FLACC1: variants seen among roughly 807,000 people sequenced by gnomAD.
The protein encoded by FLACC1 is flagellum-associated coiled-coil domain-containing protein 1.
Under a neutral mutation model 62.8 loss-of-function variants are expected in FLACC1, and 66 were observed. The observed-to-expected ratio is 1.05, with a 90% CI of 0.86 to 1.29. The LOEUF (loss-of-function observed/expected upper bound fraction) is 1.29. Among genes scored for constraint, FLACC1 ranks in the 50% most tolerant of loss-of-function variants. FLACC1 has a pLI of 0.00. For synonymous variants in FLACC1, 156 were observed against 161.0 expected, an observed-to-expected ratio of 0.97 and a Z score of 0.24; for missense variants, 452 against 489.1, an observed-to-expected ratio of 0.92 and a Z score of 0.71.
At chr2:201,290,000 G>T in intron 12 of FLACC1, 2 of 720,040 alleles carry the variant, frequency 2.8e-6, no homozygotes, top group Non-Finnish European at 4.4e-6. Flanking sequence ...GGTTCTAATG[G>T]CAATCAGTTA....
chr2:201,336,388 T>C (rs1950697037), intron 7 of FLACC1, among the ~76,000 whole-genome samples: 1 of 152,208 alleles, frequency 6.6e-6, no homozygotes, highest in Non-Finnish European at 1.5e-5. Flanking sequence ...ATATACCACA[T>C]TTTCTTTATC....
chr2:201,331,247 C>T (rs969401821), intron 7 of FLACC1, among the ~76,000 whole-genome samples: 3 of 152,142 alleles, frequency 2.0e-5, no homozygotes, highest in Admixed American at 6.5e-5. Context: ...GCTGGGATTA[C>T]AGGCGTGAGC....
chr2:201,302,578 G>C (rs1950008476), intron 11 of FLACC1, among the ~76,000 whole-genome samples: 1 of 152,134 alleles, frequency 6.6e-6, no homozygotes, highest in South Asian at 2.1e-4. Context: ...GCACCAAGTG[G>C]ACCTAATAGA....
chr2:201,300,145 G>T (rs571711366), intron 11 of FLACC1, among the ~76,000 whole-genome samples: 2 of 152,174 alleles, frequency 1.3e-5, no homozygotes, highest in African/African-American at 4.8e-5. Context: ...CCTGGGAAGC[G>T]CGAGGGGTCA....
chr2:201,330,930 G>A, intron 7 of FLACC1, 97 bp from the exon 8 acceptor site: 1 of 804,404 alleles, frequency 1.2e-6, no homozygotes, highest in Non-Finnish European at 1.8e-6. Flanking sequence ...CCTCCCACAG[G>A]AAGTGAGGTT....
At chr2:201,323,069 A>T (rs1950435156) in intron 9 of FLACC1, among the ~76,000 whole-genome samples, 1 of 152,176 alleles carries the variant, frequency 6.6e-6, no homozygotes, top group East Asian at 1.9e-4. Flanking sequence ...AGAAATGAAC[A>T]AAGTCTTCAA....
At chr2:201,331,445 A>T (rs753487386) in intron 7 of FLACC1, among the ~76,000 whole-genome samples, 2 of 152,200 alleles carry the variant, frequency 1.3e-5, no homozygotes, top group Non-Finnish European at 2.9e-5. Flanking sequence ...ATTGCCACCC[A>T]GGATAATTTT....
chr2:201,361,698 G>C (rs917042055), upstream of FLACC1, among the ~76,000 whole-genome samples: 1 of 152,168 alleles, frequency 6.6e-6, no homozygotes, highest in African/African-American at 2.4e-5. Context: ...TGAATTATAT[G>C]AAATTAAAAT....
At chr2:201,292,012 A>C (rs2125533658) in intron 12 of FLACC1, among the ~76,000 whole-genome samples, 1 of 152,328 alleles carries the variant, frequency 6.6e-6, no homozygotes, top group African/African-American at 2.4e-5. Context: ...GCCTCCAAGA[A>C]ATATGGGACT....
intron 12 of FLACC1, among the ~76,000 whole-genome samples, chr2:201,295,646 C>T (rs1438381542): frequency 6.6e-6 from 1 of 152,082 alleles, no homozygotes; most frequent in Non-Finnish European, 1.5e-5. Flanking sequence ...GCAACAAAAG[C>T]CTAAATTGGC....
intron 9 of FLACC1, among the ~76,000 whole-genome samples, chr2:201,318,944 G>GA (rs1950351164): frequency 6.6e-6 from 1 of 151,910 alleles, no homozygotes; most frequent in African/African-American, 2.4e-5. Flanking sequence ...GACTCAGGGG[G>GA]AAAGAGTGGG....
chr2:201,358,957 G>T (rs1951159678), upstream of FLACC1, among the ~76,000 whole-genome samples: 1 of 152,184 alleles, frequency 6.6e-6, no homozygotes, highest in Non-Finnish European at 1.5e-5. Context: ...AAACAGAGAA[G>T]AGATCTGACT....
chr2:201,337,599 C>G (rs556040904), intron 7 of FLACC1, among the ~76,000 whole-genome samples: 11 of 152,292 alleles, frequency 7.2e-5, no homozygotes, highest in Admixed American at 5.2e-4. Context: ...TCATAGCTCA[C>G]TGCAGCCTTG....
Position 201,339,090 on chromosome 2 carries a change from C to T in FLACC1, c.524+3280G>A, listed in dbSNP as rs1950753100. Among the ~76,000 whole-genome samples, 3 of 151,056 alleles carry T rather than the reference C, an allele frequency of 2.0e-5. No homozygotes were observed. In the South Asian group the frequency reaches 6.2e-4, roughly 31 times the overall value. ...ACTTTTTATTACTGATTCAACCTTG[C>T]TACTCATTATTGGTCTTGAATAATT... is the stretch of plus-strand genomic sequence containing the variant. On this transcript the variant is annotated intron_variant, in intron 7 of 14. Coordinates refer to ENST00000392257, the MANE Select transcript of FLACC1 (RefSeq NM_001127391.3).
At chr2:201,301,217 A>G (rs961114178) in intron 11 of FLACC1, among the ~76,000 whole-genome samples, 3 of 152,236 alleles carry the variant, frequency 2.0e-5, no homozygotes, top group Non-Finnish European at 4.4e-5. Context: ...TAGAAAAAAC[A>G]GTGTAGAGAA....
chr2:201,360,589 A>C (rs921411571), upstream of FLACC1, among the ~76,000 whole-genome samples: 10 of 152,158 alleles, frequency 6.6e-5, no homozygotes, highest in Admixed American at 6.5e-4. Context: ...GGCTTTCAAC[A>C]TCTGACTTTA....
At chr2:201,341,272 G>A (rs1461275026) in intron 7 of FLACC1, among the ~76,000 whole-genome samples, 2 of 152,002 alleles carry the variant, frequency 1.3e-5, no homozygotes, top group Non-Finnish European at 1.5e-5. Context: ...CTGCTCTGGT[G>A]TGCAGCAAGT....
At chr2:201,359,330 C>G (rs975668669), upstream of FLACC1, among the ~76,000 whole-genome samples, 1 of 152,182 alleles carries the variant, frequency 6.6e-6, no homozygotes, top group Non-Finnish European at 1.5e-5. Context: ...GTGGTGACGT[C>G]TGTTAGAGTT....
intron 10 of FLACC1, 32 bp downstream of exon 10, chr2:201,309,119 G>T: frequency 6.4e-7 from 1 of 1,572,602 alleles, no homozygotes; most frequent in Non-Finnish European, 8.8e-7. Flanking sequence ...TAATGCACTT[G>T]TCATCAAAAA....
Sources: gnomAD v4.1 joint callset for allele counts (sites outside exome capture counted in the v4.1 genomes callset) on GRCh38, gnomAD v4.1.1 for gene constraint, MANE v1.5 for transcripts, NCBI Gene and HGNC (gene_info 2026-07-23, HGNC 2026-07-21) for gene names.